ZNF225: variants seen among roughly 807,000 people sequenced by gnomAD.
ZNF225 encodes the protein zinc finger protein 225.
A neutral mutation model predicts 12.0 loss-of-function variants in ZNF225; 6 were observed. The ratio of observed to expected loss-of-function variants is 0.50; its 90% CI spans 0.27 to 0.98. ZNF225 has a LOEUF of 0.98. Among genes scored for constraint, ZNF225 ranks in the 50% least tolerant of loss-of-function variants. ZNF225 has a pLI of 0.11. For synonymous variants in ZNF225, 271 were observed against 283.2 expected (o/e 0.96, Z 0.43); for missense variants, 763 against 848.2 (o/e 0.90, Z 1.25).
intron 4 of ZNF225, among the ~76,000 whole-genome samples, chr19:44,126,278 T>C (rs1456773082): frequency 1.3e-5 from 2 of 152,226 alleles, no homozygotes; most frequent in African/African-American, 4.8e-5. Flanking sequence ...TGTGGCCTCC[T>C]GTGAGCCAAA....
At chr19:44,120,224 C>A (rs1488302282) in intron 4 of ZNF225, among the ~76,000 whole-genome samples, 2 of 152,080 alleles carry the variant, frequency 1.3e-5, no homozygotes, top group African/African-American at 4.8e-5. Flanking sequence ...CTCAAAAAAA[C>A]AAACAAAACA....
rs1599685500 is a variant in ZNF225 at position 44,134,599 on chromosome 19, G to A, written c.*1864G>A. 6.6e-6 allele frequency: 1 copy of A among 152,138 alleles called. No individual in the cohort carries two copies. The highest frequency in any genetic ancestry group is 6.5e-5 in the Admixed American group (1 of 15,268). 9.4% of individuals were successfully genotyped at this position (152,138 alleles called of 1,614,324 possible). On this transcript the variant is annotated 3_prime_UTR_variant, in exon 5 of 5. Transcript: ENST00000262894. ...CGATACCAGAATAGCTCATCTCCAA[G>A]GTAACTGTAACAGAACACTCAGCAG...
At chr19:44,128,770 C>T in intron 4 of ZNF225, 1 of 341,824 alleles carries the variant, frequency 2.9e-6, no homozygotes, top group Non-Finnish European at 5.2e-6. Flanking sequence ...ATGATAATTT[C>T]TATTCTGGTT....
In ZNF225 at chr19:44,134,196, G is replaced by T. The variant is rs1169094880; in HGVS notation, c.*1461G>T. On this transcript the variant is annotated 3_prime_UTR_variant, in exon 5 of 5. Transcript: ENST00000262894. ...AGATCCTTTGTGCATGGAGTAACAG[G>T]TCTCAATTCCTCCAGTATTGAATTG... The T allele has an allele frequency of 6.6e-6, 1 of 152,116 alleles. No homozygotes were observed. The highest frequency in any genetic ancestry group is 1.5e-5 in the Non-Finnish European group (1 of 68,006). 9.4% of individuals were successfully genotyped at this position (152,116 alleles called of 1,614,324 possible).
intron 4 of ZNF225, among the ~76,000 whole-genome samples, chr19:44,123,012 T>G (rs1968083984): frequency 6.6e-6 from 1 of 152,190 alleles, no homozygotes; most frequent in Non-Finnish European, 1.5e-5. Context: ...CTGATTGCTC[T>G]GGCTAGGACT....
intron 1 of ZNF225, chr19:44,114,174 G>A: frequency 2.0e-6 from 2 of 1,018,260 alleles, no homozygotes; most frequent in East Asian, 2.6e-5. Flanking sequence ...CAAAAGAGCT[G>A]CAGGGAGGGA....
Position 44,132,827 on chromosome 19 carries a change from C to T in ZNF225, c.*92C>T. The T allele has an allele frequency of 8.3e-6, 9 of 1,090,182 alleles. No homozygotes were observed. Among genetic ancestry groups the T allele is most frequent in the Non-Finnish European group, 1.2e-5 (9 of 780,678 alleles). The allele number at this position is 1,090,182 out of a possible 1,614,324, so 67.5% of individuals were successfully genotyped here. ...TCAGTGTAATTAACATACCTATCAC[C>T]TCAAACATTTATCATTTATTTATGT... On this transcript the variant is annotated 3_prime_UTR_variant, in exon 5 of 5. Coordinates refer to ENST00000262894, the MANE Select transcript of ZNF225 (RefSeq NM_013362.4).
At chr19:44,114,941 AT>A (rs112295053) in intron 1 of ZNF225, among the ~76,000 whole-genome samples, 4,269 of 148,854 alleles carry the variant, frequency 0.029, 201 homozygotes, top group African/African-American at 0.098. Flanking sequence ...ATTATTTTGA[AT>A]TTTTTTTTTT....
rs771541301 is a variant in ZNF225, at chr19:44,132,049, A to G, written c.1435A>G (p.Ser479Gly). ...TCTTTTGAATCATCAGAGAATCCACAGTGGAGAAAAACCATTTAAATGTGA... is the reference window on the plus strand; with the variant it reads ...TCTTTTGAATCATCAGAGAATCCACGGTGGAGAAAAACCATTTAAATGTGA... The part of the protein sequence containing the change: ...SCLLNHQRIH[S>G]GEKPFKCEEC... The change falls in exon 5 of 5, where the codon AGT becomes GGT. Residue 479 changes from serine (S) to glycine (G), a missense_variant. Ser to Gly is a moderately conservative substitution (Grantham distance 56, BLOSUM62 0). Coordinates refer to ENST00000262894, the MANE Select transcript of ZNF225 (RefSeq NM_013362.4). The G allele has an allele frequency of 6.2e-6, 10 of 1,613,824 alleles. No individual in the cohort carries two copies. Among genetic ancestry groups the G allele is most frequent in the South Asian group, 1.1e-5 (1 of 91,056 alleles).
rs753538338 is a variant in ZNF225, at chr19:44,132,308, A to G, written c.1694A>G (p.Glu565Gly). The change falls in exon 5 of 5, where the codon GAG (glutamate) becomes GGG (glycine). Residue 565 changes from glutamate to glycine, a missense_variant. Physicochemically the swap from Glu to Gly is moderately conservative, Grantham distance 98. Transcript: ENST00000262894. ...LDMHQRVHTGERPYNCKECGK... is the reference protein window; with the variant it reads ...LDMHQRVHTGGRPYNCKECGK... Reference sequence around the variant, plus strand: ...ATGCACCAGAGGGTCCACACCGGAGAGAGACCTTATAATTGTAAAGAATGT... The same window carrying G: ...ATGCACCAGAGGGTCCACACCGGAGGGAGACCTTATAATTGTAAAGAATGT... 2.4e-5 allele frequency: 39 copies of G among 1,614,092 alleles called. No individual in the cohort carries two copies. The highest frequency in any genetic ancestry group is 3.2e-5 in the Non-Finnish European group (38 of 1,180,020).
At chr19:44,112,462 C>A (rs1291302208), upstream of ZNF225, among the ~76,000 whole-genome samples, 1 of 152,164 alleles carries the variant, frequency 6.6e-6, no homozygotes, top group Non-Finnish European at 1.5e-5. Context: ...ACACTGTATT[C>A]GTACTAGATG....
upstream of ZNF225, chr19:44,113,097 C>T (rs191130130): frequency 4.9e-4 from 74 of 152,376 alleles, no homozygotes; most frequent in Admixed American, 1.3e-3. Flanking sequence ...AGCGTTTTTC[C>T]TTCAGCATTC....
intron 4 of ZNF225, among the ~76,000 whole-genome samples, chr19:44,126,434 G>A (rs1183805872): frequency 1.3e-5 from 2 of 152,212 alleles, no homozygotes; most frequent in African/African-American, 4.8e-5. Flanking sequence ...GCCTGTTCCA[G>A]TGGAGGTGGT....
rs2147583073 is a variant in ZNF225, at chr19:44,132,823, T to A, written c.*88T>A. The stretch of plus-strand genomic sequence containing the variant: ...CAAATCAGTGTAATTAACATACCTA[T>A]CACCTCAAACATTTATCATTTATTT... On this transcript the variant is annotated 3_prime_UTR_variant, in exon 5 of 5. Transcript: ENST00000262894. The A allele has an allele frequency of 8.9e-7, 1 of 1,122,990 alleles. No homozygotes were observed. The allele number at this position is 1,122,990 out of a possible 1,614,324, so 69.6% of individuals were successfully genotyped here.
rs1479827931 is a variant in ZNF225 at position 44,114,913 on chromosome 19, A to G, written c.-68-847A>G. ...TCACTTGGCTAAAGTCATGTTTGTC[A>G]GATTTCCGCATTGTAAAATTATTTT... On this transcript the variant is annotated intron_variant, in intron 1 of 4. Coordinates refer to ENST00000262894, the MANE Select transcript of ZNF225 (RefSeq NM_013362.4). 2.0e-5 allele frequency among the ~76,000 whole-genome samples: 3 copies of G among 152,272 alleles called. No individual in the cohort carries two copies. In the East Asian group the frequency reaches 5.8e-4, roughly 29 times the overall value.
In ZNF225 at chr19:44,130,940, G is replaced by A; in HGVS notation, c.326G>A (p.Ser109Asn). 1 of 1,614,106 alleles carries A rather than the reference G, an allele frequency of 6.2e-7. No homozygotes were observed. The highest frequency in any genetic ancestry group is 8.5e-7 in the Non-Finnish European group (1 of 1,180,016). Reference protein sequence around the residue: ...FSHQTWEQISSDLTRFQDSMV... With the variant: ...FSHQTWEQISNDLTRFQDSMV... The stretch of plus-strand genomic sequence containing the variant: ...CATCAAACCTGGGAACAAATTTCAA[G>A]TGACTTAACCAGGTTTCAAGACTCC... Residue 109 changes from serine (S) to asparagine (N), a missense_variant, in exon 5 of 5, where the codon AGT becomes AAT. By Grantham distance (46) the Ser-to-Asn change is conservative (BLOSUM62 1). Transcript: ENST00000262894.
chr19:44,129,214 A>T, intron 4 of ZNF225: 1 of 814,508 alleles, frequency 1.2e-6, no homozygotes, highest in Non-Finnish European at 1.6e-6. Context: ...GGTATTTGAT[A>T]TTTAGTATTG....
intron 1 of ZNF225, chr19:44,114,211 T>G: frequency 9.8e-6 from 10 of 1,021,882 alleles, no homozygotes; most frequent in Non-Finnish European, 1.5e-5. Flanking sequence ...GGCAAAGCTC[T>G]ACGTGAGTGA....
At chr19:44,121,567 C>T (rs1390107144) in intron 4 of ZNF225, among the ~76,000 whole-genome samples, 1 of 152,200 alleles carries the variant, frequency 6.6e-6, no homozygotes, top group East Asian at 1.9e-4. Flanking sequence ...TAAGGAATTT[C>T]CACATTGTTT....
Sources: allele counts gnomAD v4.1 joint callset (sites outside exome capture counted in the v4.1 genomes callset), GRCh38; gene constraint gnomAD v4.1.1; transcripts MANE v1.5; gene names NCBI Gene and HGNC (gene_info 2026-07-23, HGNC 2026-07-21).